The following FILIP1L variants were observed in gnomAD, a reference collection of about 807,000 sequenced individuals.
The protein encoded by FILIP1L is filamin A interacting protein 1 like, also known as filamin A-interacting protein 1-like.
In FILIP1L, 55 loss-of-function variants were observed where a neutral mutation model predicts 96.6. That is an observed-to-expected ratio of 0.57 (90% confidence interval 0.46 to 0.71). FILIP1L has a LOEUF of 0.71. Among genes scored for constraint, FILIP1L ranks in the 30% least tolerant of loss-of-function variants. The pLI is 0.00. For synonymous variants in FILIP1L, 467 were observed against 473.9 expected (o/e 0.99, Z 0.19); for missense variants, 1,304 against 1,321.2 (o/e 0.99, Z 0.20).
intron 1 of FILIP1L, chr3:100,010,222 T>G (rs915490491): frequency 6.1e-6 from 4 of 659,754 alleles, no homozygotes; most frequent in Non-Finnish European, 5.6e-6. Context: ...AAACTGTCAT[T>G]TTTGTGATTT....
At chr3:100,024,407 A>G (rs951672179) in intron 1 of FILIP1L, among the ~76,000 whole-genome samples, 15 of 152,190 alleles carry the variant, frequency 9.9e-5, no homozygotes, top group Non-Finnish European at 2.9e-5. Context: ...GAATCCTTCT[A>G]GATTTTTACA....
At chr3:100,111,884 G>A (rs2066497036) in intron 1 of FILIP1L, among the ~76,000 whole-genome samples, 1 of 152,142 alleles carries the variant, frequency 6.6e-6, no homozygotes, top group Non-Finnish European at 1.5e-5. Flanking sequence ...ATCTAAAATT[G>A]TCTCCATATC....
intron 1 of FILIP1L, among the ~76,000 whole-genome samples, chr3:100,036,869 G>A (rs918488308): frequency 5.9e-5 from 9 of 152,150 alleles, no homozygotes; most frequent in Non-Finnish European, 8.8e-5. Flanking sequence ...TACGCAGTGA[G>A]AAAGATACGT....
rs556500658 is a variant in FILIP1L at position 100,029,963 on chromosome 3, T to A, written c.-11+84090A>T. Among the ~76,000 whole-genome samples, 6 of 152,266 alleles carry A rather than the reference T, an allele frequency of 3.9e-5. No individual in the cohort carries two copies. The South Asian group carries it at 1.2e-3, about 32-fold the overall frequency. Reference sequence around the variant, plus strand: ...CCAGGTGTGACATGAGTGAGGACTCTAAGAAGAAAAACTTCACAGCTGTTT... The same window carrying A: ...CCAGGTGTGACATGAGTGAGGACTCAAAGAAGAAAAACTTCACAGCTGTTT... On this transcript the variant is annotated intron_variant, in intron 1 of 5. Coordinates refer to ENST00000477258, the MANE Select transcript of FILIP1L (RefSeq NM_001387850.1).
chr3:100,060,662 C>T (rs1340025215), intron 1 of FILIP1L, among the ~76,000 whole-genome samples: 2 of 151,998 alleles, frequency 1.3e-5, no homozygotes, highest in South Asian at 2.1e-4. Flanking sequence ...TGAGACCAGC[C>T]TGGGCAATAT....
rs757175318 is a variant in FILIP1L at position 99,988,511 on chromosome 3, CAAAAA to C, written c.-10-57486_-10-57482del. 5.8e-3 allele frequency among the ~76,000 whole-genome samples: 277 copies of C among 47,868 alleles called. 1 individual carries two copies. The highest frequency in any genetic ancestry group is 9.5e-3 in the Non-Finnish European group (228 of 24,118). The allele number at this position is 47,868 out of a possible 152,430, so 31.4% of individuals were successfully genotyped here. A position where few individuals can be genotyped will look rare whatever the true frequency, so the allele number is the denominator to read the frequency against. ...TGGGCGACAGAGCGAGACTCCATCT[CAAAAA>C]AAAAAAAAAAAAAAGAAAGAAAAGG... On this transcript the variant is annotated intron_variant, in intron 1 of 5. Coordinates refer to ENST00000477258, the MANE Select transcript of FILIP1L (RefSeq NM_001387850.1).
intron 1 of FILIP1L, among the ~76,000 whole-genome samples, chr3:100,091,335 A>G (rs1407402157): frequency 6.6e-6 from 1 of 151,910 alleles, no homozygotes; most frequent in African/African-American, 2.4e-5. Flanking sequence ...AGGGGTGTGC[A>G]TGTATGTATG....
intron 1 of FILIP1L, among the ~76,000 whole-genome samples, chr3:99,986,872 A>G (rs964528141): frequency 1.3e-5 from 2 of 152,200 alleles, no homozygotes; most frequent in African/African-American, 4.8e-5. Flanking sequence ...AAATGTCTAT[A>G]GTGCCAAGGT....
At chr3:100,011,298 G>A (rs2107195094) in intron 1 of FILIP1L, among the ~76,000 whole-genome samples, 1 of 152,258 alleles carries the variant, frequency 6.6e-6, no homozygotes, top group Admixed American at 6.5e-5. Context: ...GACACGTGTT[G>A]ATCTATTGAG....
chr3:100,064,897 G>T (rs938381126), intron 1 of FILIP1L, among the ~76,000 whole-genome samples: 2 of 152,062 alleles, frequency 1.3e-5, no homozygotes, highest in African/African-American at 2.4e-5. Flanking sequence ...GGGGTGGTGG[G>T]GCAGGGGGAC....
chr3:100,022,367 T>C (rs745337093), intron 1 of FILIP1L, among the ~76,000 whole-genome samples: 115 of 152,254 alleles, frequency 7.6e-4, no homozygotes, highest in Non-Finnish European at 2.6e-4. Flanking sequence ...GCATTCATTC[T>C]AGTTCCACTG....
chr3:99,984,693 G>A (rs1227791235), intron 1 of FILIP1L, among the ~76,000 whole-genome samples: 1 of 152,104 alleles, frequency 6.6e-6, no homozygotes, highest in African/African-American at 2.4e-5. Flanking sequence ...CTACTGTGGG[G>A]GAGGGAATCC....
At chr3:99,996,778 T>C (rs1709697191) in intron 1 of FILIP1L, among the ~76,000 whole-genome samples, 1 of 151,942 alleles carries the variant, frequency 6.6e-6, no homozygotes, top group South Asian at 2.1e-4. Context: ...ATGAGAACAG[T>C]ATGGGGAAAA....
chr3:99,914,854 C>G (rs1346457879), intron 4 of FILIP1L, among the ~76,000 whole-genome samples: 2 of 152,100 alleles, frequency 1.3e-5, no homozygotes, highest in African/African-American at 4.8e-5. Flanking sequence ...TGTGATGCAC[C>G]TGTGTGATAC....
At chr3:100,112,352 C>T (rs1247707023) in intron 1 of FILIP1L, among the ~76,000 whole-genome samples, 2 of 152,056 alleles carry the variant, frequency 1.3e-5, no homozygotes, top group Admixed American at 1.3e-4. Context: ...TTTTTTGCAT[C>T]CTTGGACCTG....
In FILIP1L at chr3:100,028,852, A is replaced by G. The variant is rs377206870; in HGVS notation, c.-11+85201T>C. Among the ~76,000 whole-genome samples the G allele has an allele frequency of 7.2e-5, 11 of 152,286 alleles. No homozygotes were observed. The East Asian group carries it at 9.6e-4, about 13-fold the overall frequency. ...CAAACTCATTACTGTGAACTATTCAATGGTGATGTGTTTCAATACACCTTT... is the reference window on the plus strand; with the variant it reads ...CAAACTCATTACTGTGAACTATTCAGTGGTGATGTGTTTCAATACACCTTT... On this transcript the variant is annotated intron_variant, in intron 1 of 5. Coordinates refer to ENST00000477258, the MANE Select transcript of FILIP1L (RefSeq NM_001387850.1).
At chr3:100,045,841 G>T (rs1403396173) in intron 1 of FILIP1L, among the ~76,000 whole-genome samples, 1 of 152,184 alleles carries the variant, frequency 6.6e-6, no homozygotes, top group Non-Finnish European at 1.5e-5. Context: ...CATTCCTAAT[G>T]ATGATAATGA....
At chr3:100,037,937 T>TTC (rs1359649858) in intron 1 of FILIP1L, among the ~76,000 whole-genome samples, 1 of 143,980 alleles carries the variant, frequency 6.9e-6, no homozygotes, top group Non-Finnish European at 1.5e-5. Context: ...TTAATCGCTT[T>TTC]TCTTTTTTTT....
intron 1 of FILIP1L, among the ~76,000 whole-genome samples, chr3:100,018,183 G>A (rs553594904): frequency 6.1e-4 from 92 of 151,984 alleles, no homozygotes; most frequent in Middle Eastern, 3.4e-3. Flanking sequence ...AAAATTAGCC[G>A]GGCGTGGTGG....
Sources: allele counts gnomAD v4.1 joint callset (sites outside exome capture counted in the v4.1 genomes callset), GRCh38; gene constraint gnomAD v4.1.1; transcripts MANE v1.5; gene names NCBI Gene and HGNC (gene_info 2026-07-23, HGNC 2026-07-21).